MAST2: variants seen among roughly 807,000 people sequenced by gnomAD.
The protein encoded by MAST2 is microtubule-associated serine/threonine-protein kinase 2.
MAST2 carries 70 observed loss-of-function variants against 147.4 expected under a neutral mutation model. The ratio of observed to expected loss-of-function variants is 0.47; its 90% CI spans 0.39 to 0.58. The LOEUF is 0.58. Ranked by LOEUF, MAST2 falls within the 20% of genes least tolerant of loss-of-function variation. The pLI is 0.00. For synonymous variants in MAST2, 869 were observed against 896.8 expected (o/e 0.97, Z 0.55); for missense variants, 2,080 against 2,302.3 (o/e 0.90, Z 1.98).
chr1:45,849,514 C>A (rs1645552891), intron 3 of MAST2, among the ~76,000 whole-genome samples: 1 of 130,918 alleles, frequency 7.6e-6, no homozygotes, highest in South Asian at 2.6e-4. Flanking sequence ...AAGATTAAAG[C>A]TGGACCCCCT....
intron 3 of MAST2, among the ~76,000 whole-genome samples, chr1:45,862,896 A>G (rs528934915): frequency 1.6e-3 from 240 of 152,298 alleles, no homozygotes; most frequent in Middle Eastern, 3.4e-3. Context: ...GCTTTCCACT[A>G]TAATGAATTG....
In MAST2 at chr1:45,803,908, C is replaced by G; in HGVS notation, c.13C>G (p.Arg5Gly). The change falls in exon 1 of 29, where the codon CGC (arginine) becomes GGC (glycine). Residue 5 changes from arginine (R) to glycine (G), a missense_variant. By Grantham distance (125) the Arg-to-Gly change is moderately radical (BLOSUM62 -2). Coordinates refer to ENST00000361297, the MANE Select transcript of MAST2 (RefSeq NM_015112.3). ...CCCAGCTGCAGATATGAAGCGGAGCCGCTGCCGCGACCGACCGCAGCCGCC... is the reference window on the plus strand; with the variant it reads ...CCCAGCTGCAGATATGAAGCGGAGCGGCTGCCGCGACCGACCGCAGCCGCC... The part of the protein sequence containing the change: MKRS[R>G]CRDRPQPPPP... 3 of 645,518 alleles carry G rather than the reference C, an allele frequency of 4.6e-6. No homozygotes were observed. Among genetic ancestry groups the G allele is most frequent in the Non-Finnish European group, 4.7e-6 (2 of 429,474 alleles). 40.0% of individuals were successfully genotyped at this position (645,518 alleles called of 1,614,324 possible). A position where few individuals can be genotyped will look rare whatever the true frequency, so the allele number is the denominator to read the frequency against.
At chr1:45,995,557 C>T (rs951487205) in intron 5 of MAST2, among the ~76,000 whole-genome samples, 2 of 152,180 alleles carry the variant, frequency 1.3e-5, no homozygotes, top group Non-Finnish European at 1.5e-5. Context: ...TAGAGATCCA[C>T]GCTGCCTCCT....
intron 4 of MAST2, among the ~76,000 whole-genome samples, chr1:45,955,287 C>T (rs1056895162): frequency 1.3e-5 from 2 of 152,096 alleles, no homozygotes; most frequent in Non-Finnish European, 2.9e-5. Flanking sequence ...ACATAATATT[C>T]GCATATAACC....
chr1:46,022,804 A>G, intron 12 of MAST2, 106 bp from the exon 13 acceptor site: 1 of 837,856 alleles, frequency 1.2e-6, no homozygotes, highest in Non-Finnish European at 2.1e-6. Flanking sequence ...GGCTGATGCA[A>G]AAAGCATTAA....
chr1:45,937,751 C>CAA (rs34830747), intron 4 of MAST2, among the ~76,000 whole-genome samples: 60 of 73,210 alleles, frequency 8.2e-4, no homozygotes, highest in South Asian at 5.0e-3. Context: ...AACTCCATCT[C>CAA]AAAAAAAAAA....
chr1:45,834,801 A>G (rs1054325200), intron 3 of MAST2, among the ~76,000 whole-genome samples: 3 of 152,098 alleles, frequency 2.0e-5, no homozygotes, highest in Non-Finnish European at 4.4e-5. Context: ...TGAGTATGTT[A>G]ACTAGTATCT....
intron 3 of MAST2, among the ~76,000 whole-genome samples, chr1:45,857,033 C>T (rs1219398549): frequency 6.6e-6 from 1 of 152,084 alleles, no homozygotes; most frequent in African/African-American, 2.4e-5. Context: ...TCTCCCAAAC[C>T]CCTAATCCTT....
At chr1:45,949,665 C>G (rs1658639226) in intron 4 of MAST2, among the ~76,000 whole-genome samples, 1 of 152,128 alleles carries the variant, frequency 6.6e-6, no homozygotes, top group Admixed American at 6.5e-5. Context: ...TATGGTGATT[C>G]CTCAAAGAGC....
chr1:46,013,482 A>T (rs569947140), intron 10 of MAST2, among the ~76,000 whole-genome samples: 1 of 152,182 alleles, frequency 6.6e-6, no homozygotes, highest in South Asian at 2.1e-4. Context: ...GGAGTTCCAG[A>T]CCAGCCTGAT....
intron 10 of MAST2, 75 bp downstream of exon 10, chr1:46,011,014 G>A (rs984833888): frequency 3.2e-6 from 4 of 1,265,404 alleles, no homozygotes; most frequent in Non-Finnish European, 3.4e-6. Flanking sequence ...CTAAGATTAG[G>A]GCATTAGTGG....
At position 45,815,230 on chromosome 1, in the gene MAST2, C is replaced by T. The variant is rs1000903677; in HGVS notation, c.178-9203C>T. Among the ~76,000 whole-genome samples the T allele has an allele frequency of 6.0e-5, 9 of 149,500 alleles. No homozygotes were observed. The South Asian group carries it at 8.4e-4, about 14-fold the overall frequency. On this transcript the variant is annotated intron_variant, in intron 1 of 28. Transcript: ENST00000361297. ...TGTCTCCCAGTCTGGAGTGCAATGG[C>T]GTGATCTCGGTTCACTGCAACCTCT...
chr1:45,804,424 T>G (rs1220531907), intron 1 of MAST2, among the ~76,000 whole-genome samples: 1 of 152,156 alleles, frequency 6.6e-6, no homozygotes, highest in Non-Finnish European at 1.5e-5. Context: ...TAGAGTAAGA[T>G]GTAAGTCAAT....
At position 46,035,857 on chromosome 1, in the gene MAST2, G is replaced by A. The variant is rs1314670176; in HGVS notation, c.5188G>A (p.Glu1730Lys). ...CAGCCAGGGCTGGCTATGGGAGTCT[G>A]AGTGTGCACAAGCAGTGAAAGAGGA... is the stretch of plus-strand genomic sequence containing the variant. ...DPSQGWLWES[E>K]CAQAVKEDPA... The change falls in exon 29 of 29, where the codon GAG becomes AAG. Residue 1730 changes from glutamate to lysine, a missense_variant. Around this residue, in one of 4 missense-constraint regions of MAST2, gnomAD observed 1,278 missense variants for 1,304.2 expected, o/e 0.98. Coordinates refer to ENST00000361297, the MANE Select transcript of MAST2 (RefSeq NM_015112.3). This position sits in a 1 kb window ranked among gnomAD's most constrained non-coding sequence, Gnocchi z 5.5. The A allele has an allele frequency of 8.1e-5, 130 of 1,614,016 alleles. No homozygotes were observed. Among genetic ancestry groups the A allele is most frequent in the Non-Finnish European group, 1.1e-4 (124 of 1,180,052 alleles).
At chr1:46,009,148 G>T (rs1645609032) in intron 9 of MAST2, among the ~76,000 whole-genome samples, 1 of 152,102 alleles carries the variant, frequency 6.6e-6, no homozygotes, top group Non-Finnish European at 1.5e-5. Context: ...TCTGCCTCCG[G>T]GGTTCAGACA....
At chr1:46,003,477 C>CTT (rs977281031) in intron 7 of MAST2, among the ~76,000 whole-genome samples, 1 of 146,900 alleles carries the variant, frequency 6.8e-6, no homozygotes. Flanking sequence ...CATTGAGCAA[C>CTT]TTTTTTTTTT....
chr1:45,878,184 A>G (rs1437122423), intron 3 of MAST2, among the ~76,000 whole-genome samples: 10 of 142,078 alleles, frequency 7.0e-5, no homozygotes, highest in Admixed American at 6.5e-4. Context: ...AGTCTGGGTG[A>G]TGGAGCAAGG....
At chr1:45,859,964 A>G (rs1420660307) in intron 3 of MAST2, among the ~76,000 whole-genome samples, 5 of 152,116 alleles carry the variant, frequency 3.3e-5, no homozygotes, top group South Asian at 4.1e-4. Context: ...TCAAGTTTCT[A>G]CTACACTGTT....
intron 3 of MAST2, among the ~76,000 whole-genome samples, chr1:45,871,338 C>T (rs1167400411): frequency 6.6e-6 from 1 of 151,894 alleles, no homozygotes; most frequent in Non-Finnish European, 1.5e-5. Context: ...ACTACAAGCA[C>T]TCCATGTCTC....
Sources: allele counts gnomAD v4.1 joint callset (sites outside exome capture counted in the v4.1 genomes callset), GRCh38; gene constraint gnomAD v4.1.1; regional missense constraint gnomAD v4.1.1; non-coding constraint Gnocchi (gnomAD v3.1); transcripts MANE v1.5; gene names NCBI Gene and HGNC (gene_info 2026-07-23, HGNC 2026-07-21).